The following DNAH10 variants were observed in gnomAD, a reference collection of about 807,000 sequenced individuals.
DNAH10 encodes the protein axonemal beta dynein heavy chain 10.
DNAH10 carries 348 observed loss-of-function variants against 506.6 expected under a neutral mutation model. That is an observed-to-expected ratio of 0.69 (90% CI 0.63 to 0.75). The LOEUF (loss-of-function observed/expected upper bound fraction) is 0.75, where lower values mean the gene tolerates loss of function less well. Among genes scored for constraint, DNAH10 ranks in the 30% least tolerant of loss-of-function variants. DNAH10 has a pLI of 0.00. For missense variants in DNAH10, 5,179 were observed against 5,787.1 expected (o/e 0.89, Z 3.41); for synonymous variants, 2,059 against 2,198.6 (o/e 0.94, Z 1.78).
intron 43 of DNAH10, among the ~76,000 whole-genome samples, chr12:123,870,126 T>C (rs1435974275): frequency 6.6e-6 from 1 of 152,180 alleles, no homozygotes; most frequent in Non-Finnish European, 1.5e-5. Context: ...AGTGCACAAG[T>C]CACATTAGTG....
chr12:123,922,068 T>A (rs936727785), intron 65 of DNAH10, among the ~76,000 whole-genome samples: 7 of 151,910 alleles, frequency 4.6e-5, no homozygotes, highest in African/African-American at 1.7e-4. Flanking sequence ...TGGGAGCTTA[T>A]ACCTTTTTAA....
Position 123,916,648 on chromosome 12 carries a change from A to C in DNAH10, c.10914A>C (p.Ser3638=). 6.2e-7 allele frequency: 1 copy of C among 1,613,952 alleles called. No homozygotes were observed. Among genetic ancestry groups the C allele is most frequent in the Non-Finnish European group, 8.5e-7 (1 of 1,179,890 alleles). The change falls in exon 63 of 79, where the codon TCA becomes TCC. Residue 3638 remains serine (S), a synonymous_variant. Coordinates refer to ENST00000673944, the MANE Select transcript of DNAH10 (RefSeq NM_001372106.1). This position sits in a 1 kb window ranked among gnomAD's most constrained non-coding sequence, Gnocchi z 4.6. ...ILGDKEVDYD[S]NFRLYLNTKL... The stretch of plus-strand genomic sequence containing the variant: ...GAGACAAGGAAGTGGACTATGATTC[A>C]AATTTCAGACTGTACCTGAACACCA...
chr12:123,887,131 C>T lies in DNAH10; in HGVS notation c.8824-11C>T. ...GTGGTGACGCCCATGTGCTCTGTGT[C>T]TGCATCGCAGGTGTTTGAGATCCTG... On this transcript the variant is annotated splice_polypyrimidine_tract_variant and intron_variant, in intron 51 of 78. Transcript: ENST00000673944. The T allele has an allele frequency of 6.3e-7, 1 of 1,596,436 alleles. No homozygotes were observed. The highest frequency in any genetic ancestry group is 8.5e-7 in the Non-Finnish European group (1 of 1,171,586).
At chr12:123,900,125 C>T (rs920389699) in intron 56 of DNAH10, among the ~76,000 whole-genome samples, 3 of 152,208 alleles carry the variant, frequency 2.0e-5, no homozygotes, top group Admixed American at 1.3e-4. Flanking sequence ...TAAGAATATC[C>T]GTACCACTTC....
Position 123,931,369 on chromosome 12 carries a change from C to G in DNAH10, c.12813C>G (p.Asn4271Lys), listed in dbSNP as rs200478023. Reference sequence around the variant, plus strand: ...CCATCGAGGCCCTCCCGCTTGCCAACACGCCAGAAGTGTTTGGTCTCCACC... The same window carrying G: ...CCATCGAGGCCCTCCCGCTTGCCAAGACGCCAGAAGTGTTTGGTCTCCACC... ...VEAIEALPLA[N>K]TPEVFGLHPN... is the part of the protein sequence containing the mutation. Residue 4271 changes from asparagine (N) to lysine (K), a missense_variant, in exon 74 of 79, where the codon AAC becomes AAG. Asn to Lys is a moderately conservative substitution (Grantham distance 94). This residue lies in a region of DNAH10 where 4,844 missense variants were observed against 5,430.5 expected (regional missense o/e 0.89). Transcript: ENST00000673944. 2,070 of 1,613,908 alleles carry G rather than the reference C, an allele frequency of 1.3e-3. 3 individuals are homozygous for G. Among genetic ancestry groups the G allele is most frequent in the Non-Finnish European group, 1.6e-3 (1,863 of 1,179,898 alleles).
At chr12:123,930,901 T>C (rs951277472) in intron 73 of DNAH10, among the ~76,000 whole-genome samples, 2 of 152,090 alleles carry the variant, frequency 1.3e-5, no homozygotes, top group Non-Finnish European at 2.9e-5. Flanking sequence ...AAACATGTCA[T>C]TGGCTGGTCA....
intron 1 of DNAH10, among the ~76,000 whole-genome samples, chr12:123,765,862 CATCT>C (rs149753794): frequency 0.15 from 22,021 of 150,304 alleles, 3,059 homozygotes; most frequent in African/African-American, 0.37. Context: ...CCTACCTATA[CATCT>C]ATCTGTCTGT....
At chr12:123,866,128 A>C in intron 41 of DNAH10, 55 bp downstream of exon 41, 1 of 1,434,076 alleles carries the variant, frequency 7.0e-7, no homozygotes. Flanking sequence ...GGCTAGTTGG[A>C]TAACATAGTC....
At position 123,929,353 on chromosome 12, in the gene DNAH10, C is replaced by T. The variant is rs763363126; in HGVS notation, c.12385C>T (p.Gln4129Ter). 6.2e-7 allele frequency: 1 copy of T among 1,610,328 alleles called. No homozygotes were observed. Residue 4129 changes from glutamine to a stop codon, truncating the protein, a stop_gained, in exon 71 of 79, where the codon CAG (glutamine) becomes TAG (stop). Transcript: ENST00000673944. LOFTEE classifies it high-confidence loss of function. ...YFKISHEMLD[Q>*]CPHPAFKPLV... Reference sequence around the variant, plus strand: ...CAAGATCTCTCACGAAATGCTGGACCAGTGCCCGCACCCTGCCTTCAAGCC... The same window carrying T: ...CAAGATCTCTCACGAAATGCTGGACTAGTGCCCGCACCCTGCCTTCAAGCC...
At chr12:123,800,094 C>A in intron 14 of DNAH10, 122 bp from the exon 15 acceptor site, 1 of 836,334 alleles carries the variant, frequency 1.2e-6, no homozygotes, top group Non-Finnish European at 1.8e-6. Flanking sequence ...TTCCAGCCAG[C>A]ACCCCCGTCT....
intron 67 of DNAH10, 44 bp downstream of exon 67, chr12:123,924,476 C>G: frequency 1.3e-6 from 2 of 1,596,938 alleles, no homozygotes; most frequent in Middle Eastern, 1.7e-4. Context: ...CCCCACATGT[C>G]AACAATCTCC....
In DNAH10 at chr12:123,925,273, ACT is replaced by A. The variant is rs1164932624; in HGVS notation, c.11921+71_11921+72del. Reference sequence around the variant, plus strand: ...AATCTCTAGCGTCCTCCCACCTTGGACTCAAAGAAAGCAGAGGCTGACCAGCT... The same window carrying A: ...AATCTCTAGCGTCCTCCCACCTTGGACAAAGAAAGCAGAGGCTGACCAGCT... On this transcript the variant is annotated intron_variant, in intron 68 of 78. Coordinates refer to ENST00000673944, the MANE Select transcript of DNAH10 (RefSeq NM_001372106.1). The surrounding 1 kb of genome is among the most constrained non-coding windows in gnomAD (Gnocchi z 4.0). The A allele has an allele frequency of 5.5e-5, 88 of 1,602,004 alleles. No individual in the cohort carries two copies. The highest frequency in any genetic ancestry group is 8.4e-5 in the Admixed American group (5 of 59,568).
intron 18 of DNAH10, 36 bp downstream of exon 18, chr12:123,805,076 G>GT (rs1958613660): frequency 6.2e-7 from 1 of 1,604,824 alleles, no homozygotes; most frequent in Non-Finnish European, 8.5e-7. Flanking sequence ...AAAATGGTGT[G>GT]TGTAGATTAA....
chr12:123,923,596 T>C, intron 65 of DNAH10, 167 bp from the exon 66 acceptor site: 1 of 546,564 alleles, frequency 1.8e-6, no homozygotes, highest in Non-Finnish European at 3.2e-6. Context: ...TGAGCTCATC[T>C]CTCTTGAACT....
At chr12:123,812,228 G>A (rs952191955) in intron 19 of DNAH10, among the ~76,000 whole-genome samples, 1 of 152,092 alleles carries the variant, frequency 6.6e-6, no homozygotes, top group Non-Finnish European at 1.5e-5. Context: ...GAGGTGGGCG[G>A]ATCACGAGGT....
intron 18 of DNAH10, among the ~76,000 whole-genome samples, chr12:123,806,445 A>G (rs1958677165): frequency 6.6e-6 from 1 of 152,182 alleles, no homozygotes; most frequent in Non-Finnish European, 1.5e-5. Context: ...CTCCAGTATC[A>G]TTTCCTGAAA....
At chr12:123,930,890 A>G (rs140550132) in intron 73 of DNAH10, among the ~76,000 whole-genome samples, 6,767 of 152,170 alleles carry the variant, frequency 0.044, 229 homozygotes, top group Middle Eastern at 0.11. Context: ...TTTTACATTA[A>G]AAACATGTCA....
intron 67 of DNAH10, 65 bp downstream of exon 67, chr12:123,924,497 T>G (rs768100687): frequency 2.0e-5 from 31 of 1,579,140 alleles, no homozygotes; most frequent in Middle Eastern, 1.7e-4. Context: ...AAACCTCAAC[T>G]GTGGCCCAAC....
At chr12:123,788,828 A>T (rs916429955) in intron 10 of DNAH10, among the ~76,000 whole-genome samples, 1 of 125,816 alleles carries the variant, frequency 7.9e-6, no homozygotes, top group Non-Finnish European at 1.6e-5. Flanking sequence ...CAGAAGGCTG[A>T]GGTGGCACGT....
Sources: allele counts gnomAD v4.1 joint callset (sites outside exome capture counted in the v4.1 genomes callset), GRCh38; gene constraint gnomAD v4.1.1; regional missense constraint gnomAD v4.1.1; non-coding constraint Gnocchi (gnomAD v3.1); transcripts MANE v1.5; gene names NCBI Gene and HGNC (gene_info 2026-07-23, HGNC 2026-07-21).